RICTOR: variants seen among roughly 807,000 people sequenced by gnomAD.
The protein encoded by RICTOR is RPTOR independent companion of MTOR complex 2.
A neutral mutation model predicts 214.9 loss-of-function variants in RICTOR; 49 were observed. That is an observed-to-expected ratio of 0.23 (90% CI 0.18 to 0.29). The LOEUF (loss-of-function observed/expected upper bound fraction) is 0.29. RICTOR is among the 10% of genes least tolerant of loss of function. The probability of loss-of-function intolerance (pLI) is 1.00; values close to 1 mark genes in which losing one functional copy is unlikely to be tolerated. For synonymous variants in RICTOR, 717 were observed against 711.3 expected, an observed-to-expected ratio of 1.01 and a Z score of -0.13; for missense variants, 1,625 against 2,047.0, an observed-to-expected ratio of 0.79 and a Z score of 3.98.
intron 11 of RICTOR, among the ~76,000 whole-genome samples, chr5:38,969,048 T>C (rs1412339889): frequency 6.9e-6 from 1 of 144,762 alleles, no homozygotes; most frequent in African/African-American, 2.6e-5. Flanking sequence ...CGGCTCACTG[T>C]AACCTCCACC....
rs2112778515 is a variant in RICTOR, at chr5:38,942,395, G to A, written c.5053-17C>T. The A allele has an allele frequency of 6.6e-7, 1 of 1,521,366 alleles. No individual in the cohort carries two copies. Among genetic ancestry groups the A allele is most frequent in the South Asian group, 1.2e-5 (1 of 82,678 alleles). 94.2% of individuals were successfully genotyped at this position (1,521,366 alleles called of 1,614,324 possible). On this transcript the variant is annotated splice_polypyrimidine_tract_variant and intron_variant, in intron 37 of 37. Transcript: ENST00000357387. ...TTCATGCATCTAGGGAAAAAATGGT[G>A]TATCATCAATTACTTTTATAAAAAC...
Position 38,949,804 on chromosome 5 carries a change from A to C in RICTOR, c.4044T>G (p.Ser1348=). 1 of 1,613,514 alleles carries C rather than the reference A, an allele frequency of 6.2e-7. No homozygotes were observed. The highest frequency in any genetic ancestry group is 8.5e-7 in the Non-Finnish European group (1 of 1,179,538). ...QQRMHPSLSH[S]EALASPAKDV... ...CTTTTGCTGGAGATGCCAAAGCTTC[A>C]GAGTGAGATAAGGATGGATGCATTC... is the stretch of plus-strand genomic sequence containing the variant. Residue 1348 remains serine, a synonymous_variant, in exon 31 of 38, where the codon TCT becomes TCG. Transcript: ENST00000357387.
intron 2 of RICTOR, among the ~76,000 whole-genome samples, chr5:39,066,818 A>G (rs1378731144): frequency 6.6e-6 from 1 of 152,242 alleles, no homozygotes; most frequent in Admixed American, 6.5e-5. Context: ...TTGCTAAAGC[A>G]TAATGAGGGT....
intron 2 of RICTOR, among the ~76,000 whole-genome samples, chr5:39,039,968 T>G (rs1757042722): frequency 6.6e-6 from 1 of 152,046 alleles, no homozygotes; most frequent in Non-Finnish European, 1.5e-5. Flanking sequence ...CATTACTGGG[T>G]ATATACCCAA....
intron 3 of RICTOR, among the ~76,000 whole-genome samples, chr5:39,020,671 T>A (rs1371301982): frequency 2.0e-5 from 3 of 152,238 alleles, no homozygotes. Flanking sequence ...TTGCGACACT[T>A]TATTGCACTG....
At chr5:39,051,171 C>T (rs1757817027) in intron 2 of RICTOR, among the ~76,000 whole-genome samples, 1 of 152,062 alleles carries the variant, frequency 6.6e-6, no homozygotes, top group Admixed American at 6.5e-5. Context: ...CAAGACTATA[C>T]ATAAAATCAC....
chr5:38,944,762 CAATA>C (rs1021021786), intron 35 of RICTOR, 147 bp downstream of exon 35: 1 of 837,738 alleles, frequency 1.2e-6, no homozygotes, highest in African/African-American at 1.7e-5. Flanking sequence ...GATATAGGTG[CAATA>C]ATTAACAGTG....
At chr5:38,970,867 TAA>T (rs1295418864) in intron 11 of RICTOR, 2 of 152,222 alleles carry the variant, frequency 1.3e-5, no homozygotes, top group East Asian at 1.9e-4. Context: ...TTACAAAACA[TAA>T]GTTAGAAGGC....
intron 2 of RICTOR, among the ~76,000 whole-genome samples, chr5:39,060,329 C>A (rs1163508157): frequency 6.6e-6 from 1 of 152,044 alleles, no homozygotes; most frequent in African/African-American, 2.4e-5. Context: ...TCATCACAAC[C>A]TATTTATCCT....
In RICTOR at chr5:38,990,970, T is replaced by C. The variant is rs778564608; in HGVS notation, c.562A>G (p.Ile188Val). The C allele has an allele frequency of 3.1e-6, 5 of 1,604,748 alleles. No individual in the cohort carries two copies. Among genetic ancestry groups the C allele is most frequent in the East Asian group, 2.3e-5 (1 of 44,352 alleles). Residue 188 changes from isoleucine (I) to valine (V), a missense_variant, in exon 7 of 38, where the codon ATT (isoleucine) becomes GTT (valine). By Grantham distance (29) the Ile-to-Val change is conservative. Around this residue, in one of 5 missense-constraint regions of RICTOR, gnomAD observed 258 missense variants for 393.7 expected, o/e 0.66. Coordinates refer to ENST00000357387, the MANE Select transcript of RICTOR (RefSeq NM_152756.5). ...TGACCTAGTTCACAGATAATGGCAA[T>C]GCATGCTCGGACCATTCTGTCTCTT... ...QERDRMVRAC[I>V]AIICELALQN...
chr5:38,944,630 C>T, intron 35 of RICTOR, 61 bp from the exon 36 acceptor site: 1 of 1,399,236 alleles, frequency 7.1e-7, no homozygotes, highest in East Asian at 2.3e-5. Flanking sequence ...GATTAAAACT[C>T]ATGAAATTTA....
Position 38,985,055 on chromosome 5 carries a change from C to T in RICTOR, c.584-3019G>A, listed in dbSNP as rs138511253. ...CTCGATCTCTTGACCTCGTGATCCA[C>T]CCGCCTCGGCCTCCCAAAGTGCTGG... On this transcript the variant is annotated intron_variant, in intron 7 of 37. Coordinates refer to ENST00000357387, the MANE Select transcript of RICTOR (RefSeq NM_152756.5). Among the ~76,000 whole-genome samples, 1,397 of 152,274 alleles carry T rather than the reference C, an allele frequency of 9.2e-3. 9 individuals are homozygous for T. The highest frequency in any genetic ancestry group is 0.015 in the Non-Finnish European group (1,052 of 67,998).
intron 10 of RICTOR, among the ~76,000 whole-genome samples, chr5:38,972,306 C>G (rs868050995): frequency 6.6e-6 from 1 of 152,156 alleles, no homozygotes; most frequent in Middle Eastern, 3.2e-3. Context: ...TTATACTCCT[C>G]ACTTTAAAGT....
At chr5:39,002,705 G>T (rs1580068466) in intron 4 of RICTOR, 39 bp from the exon 5 acceptor site, 1 of 1,561,664 alleles carries the variant, frequency 6.4e-7, no homozygotes, top group Non-Finnish European at 8.6e-7. Context: ...TTGCTGCACA[G>T]GTTTCAAATA....
intron 6 of RICTOR, among the ~76,000 whole-genome samples, chr5:38,993,087 T>C (rs529093931): frequency 1.3e-5 from 2 of 152,274 alleles, no homozygotes; most frequent in East Asian, 1.9e-4. Flanking sequence ...ACATGTCAGA[T>C]AAAAATAGTT....
At chr5:39,053,814 C>T (rs927213060) in intron 2 of RICTOR, among the ~76,000 whole-genome samples, 13 of 148,132 alleles carry the variant, frequency 8.8e-5, no homozygotes, top group African/African-American at 3.3e-4. Flanking sequence ...ATGGCGTGAA[C>T]CCCAGGGGGC....
chr5:39,048,588 T>A (rs1314854430), intron 2 of RICTOR, among the ~76,000 whole-genome samples: 1 of 152,162 alleles, frequency 6.6e-6, no homozygotes, highest in Non-Finnish European at 1.5e-5. Context: ...AACTAGCATG[T>A]CCTGTGTGAC....
At chr5:39,073,081 G>T (rs962711193) in intron 2 of RICTOR, among the ~76,000 whole-genome samples, 2 of 152,182 alleles carry the variant, frequency 1.3e-5, no homozygotes, top group Non-Finnish European at 2.9e-5. Flanking sequence ...CATTACGTCA[G>T]GTACGACATA....
Position 38,941,723 on chromosome 5 carries a change from C to A in RICTOR, c.*581G>T, listed in dbSNP as rs370102762. 18 of 232,252 alleles carry A rather than the reference C, an allele frequency of 7.8e-5. No homozygotes were observed. The East Asian group carries it at 9.8e-4, about 13-fold the overall frequency. 14.4% of individuals were successfully genotyped at this position (232,252 alleles called of 1,614,324 possible). A position where few individuals can be genotyped will look rare whatever the true frequency, so the allele number is the denominator to read the frequency against. The stretch of plus-strand genomic sequence containing the variant: ...ACTTATAAGTCCCGGGTTGTTGAGG[C>A]TCTTCTTCTGCTTTGAGGTTATAAA... On this transcript the variant is annotated 3_prime_UTR_variant, in exon 38 of 38. Transcript: ENST00000357387.
Sources: allele counts gnomAD v4.1 joint callset (sites outside exome capture counted in the v4.1 genomes callset), GRCh38; gene constraint gnomAD v4.1.1; regional missense constraint gnomAD v4.1.1; transcripts MANE v1.5; gene names NCBI Gene and HGNC (gene_info 2026-07-23, HGNC 2026-07-21).